Variants in B3GAT2 observed in about 807,000 individuals in gnomAD.
B3GAT2 encodes the protein beta-1,3-glucuronyltransferase 2, also known as galactosylgalactosylxylosylprotein 3-beta-glucuronosyltransferase 2.
In B3GAT2, 26 loss-of-function variants were observed where a neutral mutation model predicts 27.8. The observed-to-expected ratio is 0.93, with a 90% CI of 0.68 to 1.30. The LOEUF is 1.30. Among genes scored for constraint, B3GAT2 ranks in the 50% most tolerant of loss-of-function variants. The pLI, the probability that B3GAT2 is intolerant of heterozygous loss-of-function variation, is 0.00. For synonymous variants in B3GAT2, 218 were observed against 195.1 expected (o/e 1.12, Z -0.98); for missense variants, 458 against 459.0 (o/e 1.00, Z 0.02).
intron 1 of B3GAT2, among the ~76,000 whole-genome samples, chr6:70,940,932 A>G (rs115316554): frequency 1.1e-3 from 168 of 152,260 alleles, no homozygotes; most frequent in African/African-American, 3.9e-3. Flanking sequence ...TTTCACCGTT[A>G]GGAGTTAGCA....
chr6:70,877,186 G>A (rs531177969), intron 2 of B3GAT2, among the ~76,000 whole-genome samples: 1 of 152,208 alleles, frequency 6.6e-6, no homozygotes, highest in Non-Finnish European at 1.5e-5. Context: ...TGCACTAGAT[G>A]GTTCAGGTAA....
chr6:70,918,971 A>G (rs2150041426), intron 1 of B3GAT2, among the ~76,000 whole-genome samples: 1 of 152,336 alleles, frequency 6.6e-6, no homozygotes, highest in East Asian at 1.9e-4. Context: ...GTTCTCCTGC[A>G]TAATATCCTG....
intron 1 of B3GAT2, among the ~76,000 whole-genome samples, chr6:70,945,770 T>C (rs1173654885): frequency 6.7e-6 from 1 of 149,410 alleles, no homozygotes; most frequent in Admixed American, 6.7e-5. Context: ...CACATAATTG[T>C]CAGATTCACC....
At chr6:70,946,096 C>T (rs1765478488) in intron 1 of B3GAT2, among the ~76,000 whole-genome samples, 2 of 152,118 alleles carry the variant, frequency 1.3e-5, no homozygotes, top group South Asian at 2.1e-4. Context: ...AAGGCACAAC[C>T]GGTACCAGCC....
intron 1 of B3GAT2, among the ~76,000 whole-genome samples, chr6:70,937,306 C>A (rs201140831): frequency 6.8e-6 from 1 of 147,238 alleles, no homozygotes; most frequent in Non-Finnish European, 1.5e-5. Flanking sequence ...GATTCACAGC[C>A]GAATTCTACC....
chr6:70,935,198 T>C (rs1366683079), intron 1 of B3GAT2, among the ~76,000 whole-genome samples: 1 of 151,728 alleles, frequency 6.6e-6, no homozygotes, highest in Non-Finnish European at 1.5e-5. Flanking sequence ...GTAATACCAG[T>C]ACTTTGGAAA....
chr6:70,890,848 C>T (rs1772276299), intron 2 of B3GAT2, among the ~76,000 whole-genome samples: 1 of 152,230 alleles, frequency 6.6e-6, no homozygotes, highest in African/African-American at 2.4e-5. Context: ...ACTGCATATA[C>T]TGTCATTAAT....
intron 1 of B3GAT2, among the ~76,000 whole-genome samples, chr6:70,950,595 C>G (rs1346165322): frequency 1.3e-5 from 2 of 152,170 alleles, no homozygotes; most frequent in Non-Finnish European, 2.9e-5. Flanking sequence ...ATGACATTTT[C>G]AAGTTACTTC....
intron 2 of B3GAT2, among the ~76,000 whole-genome samples, chr6:70,887,909 G>A (rs1312898126): frequency 1.3e-5 from 2 of 152,168 alleles, no homozygotes; most frequent in African/African-American, 4.8e-5. Flanking sequence ...TGAGTAGAGG[G>A]GAACAAGAAT....
At chr6:70,883,963 G>C (rs926833548) in intron 2 of B3GAT2, among the ~76,000 whole-genome samples, 6 of 151,872 alleles carry the variant, frequency 4.0e-5, no homozygotes, top group Non-Finnish European at 2.9e-5. Context: ...GATGGACACA[G>C]GGGGTGGCCT....
At chr6:70,901,979 C>A (rs1364639066) in intron 1 of B3GAT2, among the ~76,000 whole-genome samples, 1 of 151,974 alleles carries the variant, frequency 6.6e-6, no homozygotes, top group Non-Finnish European at 1.5e-5. Flanking sequence ...GAAAATGAAC[C>A]ACGTTGAAAT....
At chr6:70,941,076 C>T (rs781064977) in intron 1 of B3GAT2, among the ~76,000 whole-genome samples, 1 of 152,092 alleles carries the variant, frequency 6.6e-6, no homozygotes, top group Non-Finnish European at 1.5e-5. Flanking sequence ...AACTCTTGTC[C>T]CTGTAATCAC....
Position 70,872,594 on chromosome 6 carries a change from A to G in B3GAT2, c.737-10616T>C, listed in dbSNP as rs1469002968. On this transcript the variant is annotated intron_variant, in intron 2 of 3. Transcript: ENST00000230053. ...ATTTATTTGTGTCTTTGAATCTAAC[A>G]TGTTTGTCTTGTAGACAGCATATAG... is the stretch of plus-strand genomic sequence containing the variant. Among the ~76,000 whole-genome samples, 3 of 149,620 alleles carry G rather than the reference A, an allele frequency of 2.0e-5. No individual in the cohort carries two copies. In the East Asian group the frequency reaches 5.9e-4, roughly 29 times the overall value.
At chr6:70,875,134 C>T (rs1485342157) in intron 2 of B3GAT2, among the ~76,000 whole-genome samples, 1 of 152,044 alleles carries the variant, frequency 6.6e-6, no homozygotes, top group African/African-American at 2.4e-5. Flanking sequence ...ATTCAGAAGT[C>T]CTTACTCTGT....
chr6:70,865,697 G>T (rs939925565), intron 2 of B3GAT2, among the ~76,000 whole-genome samples: 10 of 152,166 alleles, frequency 6.6e-5, no homozygotes, highest in African/African-American at 2.2e-4. Context: ...TAGAAAATTT[G>T]TAAGACTTTA....
chr6:70,887,632 C>G (rs1285048901), intron 2 of B3GAT2, among the ~76,000 whole-genome samples: 2 of 152,010 alleles, frequency 1.3e-5, no homozygotes, highest in Non-Finnish European at 2.9e-5. Flanking sequence ...GGTGGCGGAG[C>G]CTCAACAATT....
intron 1 of B3GAT2, among the ~76,000 whole-genome samples, chr6:70,946,809 A>G (rs1765492597): frequency 6.6e-6 from 1 of 151,354 alleles, no homozygotes. Flanking sequence ...CACCTATTCC[A>G]AAATTGACCA....
At chr6:70,901,012 G>T (rs937049971) in intron 1 of B3GAT2, among the ~76,000 whole-genome samples, 1 of 152,076 alleles carries the variant, frequency 6.6e-6, no homozygotes, top group Admixed American at 6.5e-5. Context: ...ACAAAGGAAA[G>T]GGCAGTGCAA....
In B3GAT2 at chr6:70,861,983, G is replaced by A; in HGVS notation, c.737-5C>T. On this transcript the variant is annotated splice_polypyrimidine_tract_variant and splice_region_variant and intron_variant, in intron 2 of 3. Transcript: ENST00000230053. ...CTTGAAGACTTACAGCAAATCCTTT[G>A]TGAAAAATAAAAAAAAAAAAGAGAC... 3 of 1,558,460 alleles carry A rather than the reference G, an allele frequency of 1.9e-6. No individual in the cohort carries two copies. Among genetic ancestry groups the A allele is most frequent in the Admixed American group, 2.1e-5 (1 of 48,376 alleles).
Sources: allele counts gnomAD v4.1 joint callset (sites outside exome capture counted in the v4.1 genomes callset), GRCh38; gene constraint gnomAD v4.1.1; transcripts MANE v1.5; gene names NCBI Gene and HGNC (gene_info 2026-07-23, HGNC 2026-07-21).